Variants in MTRR observed in about 807,000 individuals in gnomAD.
MTRR encodes the protein 5-methyltetrahydrofolate-homocysteine methyltransferase reductase, also known as methionine synthase reductase.
A neutral mutation model predicts 79.2 loss-of-function variants in MTRR; 63 were observed. The ratio of observed to expected loss-of-function variants is 0.80; its 90% CI spans 0.65 to 0.98. The LOEUF is 0.98. Ranked by LOEUF, MTRR falls within the 50% of genes least tolerant of loss-of-function variation. MTRR has a pLI of 0.00. For missense variants in MTRR, 895 were observed against 839.6 expected, an observed-to-expected ratio of 1.07 and a Z score of -0.82; for synonymous variants, 355 against 313.3, an observed-to-expected ratio of 1.13 and a Z score of -1.41.
rs780729020 is a variant in MTRR, at chr5:7,861,181, G to A, written n.392-770G>A. 6 of 1,611,790 alleles carry A rather than the reference G, an allele frequency of 3.7e-6. No individual in the cohort carries two copies. The Admixed American group carries it at 8.3e-5, about 22-fold the overall frequency. ...ACTTGATAACCGAGTAACTGTAGGT[G>A]TCTTTGTTTAATAGCTTCTTTCCCC... On this transcript the variant is annotated intron_variant and non_coding_transcript_variant, in intron 1 of 3. Transcript: ENST00000502509.
intron 3 of MTRR, among the ~76,000 whole-genome samples, chr5:7,874,552 G>GTT (rs763938755): frequency 3.6e-5 from 5 of 138,328 alleles, no homozygotes; most frequent in African/African-American, 7.9e-5. Flanking sequence ...TGTAGAGAAA[G>GTT]AACATGGAGA....
chr5:7,870,129 G>C, intron 1 of MTRR: 1 of 967,386 alleles, frequency 1.0e-6, no homozygotes, highest in African/African-American at 1.8e-5. Context: ...AAGTGGATTG[G>C]AAATATTTTT....
chr5:7,887,246 T>C (rs745969326), intron 8 of MTRR, among the ~76,000 whole-genome samples: 24 of 150,814 alleles, frequency 1.6e-4, no homozygotes, highest in Non-Finnish European at 2.8e-4. Context: ...TCAATTATTA[T>C]GTGAACTTGG....
intron 7 of MTRR, 100 bp from the exon 8 acceptor site, chr5:7,886,515 G>A (rs945512388): frequency 9.7e-6 from 9 of 928,144 alleles, no homozygotes; most frequent in African/African-American, 6.5e-5. Flanking sequence ...ACTTTGATGC[G>A]CTGTAAAGTA....
intron 11 of MTRR, 113 bp downstream of exon 11, chr5:7,893,026 C>G (rs1737894506): frequency 7.9e-7 from 1 of 1,264,672 alleles, no homozygotes; most frequent in African/African-American, 1.5e-5. Context: ...AAAATTTATG[C>G]TGTTCTTGAA....
intron 14 of MTRR, 64 bp downstream of exon 14, chr5:7,897,311 A>C: frequency 6.5e-7 from 1 of 1,546,870 alleles, no homozygotes; most frequent in Non-Finnish European, 8.9e-7. Context: ...TAGAAGAAAA[A>C]AAGGACCGAG....
rs1738673281 is a variant in MTRR, at chr5:7,897,166, A to G, written c.1871A>G (p.Tyr624Cys). The change falls in exon 14 of 15, where the codon TAT becomes TGT. Residue 624 changes from tyrosine (Y) to cysteine (C), a missense_variant. Coordinates refer to ENST00000440940, the MANE Select transcript of MTRR (RefSeq NM_002454.3). ...GGGGAGGAGGAAGCCCCAGCAAAGT[A>G]TGTGCAAGACAACATCCAGCTTCAT... ...PVGEEEAPAK[Y>C]VQDNIQLHGQ... 7.4e-6 allele frequency: 12 copies of G among 1,614,054 alleles called. No individual in the cohort carries two copies. Among genetic ancestry groups the G allele is most frequent in the Admixed American group, 1.7e-5 (1 of 60,006 alleles).
chr5:7,871,983 T>C (rs1394826787), intron 2 of MTRR, among the ~76,000 whole-genome samples: 1 of 147,430 alleles, frequency 6.8e-6, no homozygotes, highest in Non-Finnish European at 1.5e-5. Context: ...AGCAGGTGTT[T>C]TGGCAGTCAG....
rs143443590 is a variant in MTRR at position 7,897,314 on chromosome 5, G to A, written c.1952+67G>A. The A allele has an allele frequency of 9.3e-6, 14 of 1,506,860 alleles. 1 individual carries two copies. The African/African-American group carries it at 1.4e-4, about 15-fold the overall frequency. The allele number at this position is 1,506,860 out of a possible 1,614,324, so 93.3% of individuals were successfully genotyped here. On this transcript the variant is annotated intron_variant, in intron 14 of 14. Coordinates refer to ENST00000440940, the MANE Select transcript of MTRR (RefSeq NM_002454.3). ...CAGTGATGTCTGTAGAAGAAAAAAA[G>A]GACCGAGAAGCCAATAATCTAGATA...
At position 7,885,957 on chromosome 5, in the gene MTRR, A is replaced by G. The variant is rs1736358518; in HGVS notation, c.1057+103A>G. The stretch of plus-strand genomic sequence containing the variant: ...GTTCAGGGTCCTGTGTGTTGGCCGC[A>G]CAGATGCCTGGGGCTCAGCTGCGCA... On this transcript the variant is annotated intron_variant, in intron 7 of 14. Transcript: ENST00000440940. 11 of 1,479,822 alleles carry G rather than the reference A, an allele frequency of 7.4e-6. No homozygotes were observed. The South Asian group carries it at 1.1e-4, about 15-fold the overall frequency. The allele number at this position is 1,479,822 out of a possible 1,614,324, so 91.7% of individuals were successfully genotyped here.
At chr5:7,872,800 A>T (rs1313704624) in intron 2 of MTRR, among the ~76,000 whole-genome samples, 1 of 151,858 alleles carries the variant, frequency 6.6e-6, no homozygotes, top group Non-Finnish European at 1.5e-5. Flanking sequence ...TTTATTTCTG[A>T]GTCTCCCCAT....
upstream of MTRR, chr5:7,867,014 T>C (rs371168588): frequency 2.5e-6 from 4 of 1,614,212 alleles, no homozygotes; most frequent in African/African-American, 1.3e-5. Flanking sequence ...AGCTACACGA[T>C]GCTCTAGGGC....
chr5:7,866,531 C>T (rs535000195), upstream of MTRR: 15 of 770,652 alleles, frequency 1.9e-5, no homozygotes, highest in African/African-American at 5.2e-5. Flanking sequence ...GTCTCATCTT[C>T]GGATCACTAT....
chr5:7,884,814 T>G (rs1464468861), intron 6 of MTRR, among the ~76,000 whole-genome samples: 2 of 152,248 alleles, frequency 1.3e-5, no homozygotes, highest in African/African-American at 4.8e-5. Context: ...AAGTGGGTTA[T>G]TCTTTCAGAA....
In MTRR at chr5:7,891,427, A is replaced by G. The variant is rs1261448973; in HGVS notation, c.1370+13A>G. On this transcript the variant is annotated intron_variant, in intron 10 of 14. Transcript: ENST00000440940. ...ATTCGTGTGCAAGGTACTACTATTT[A>G]TTCACGTAATATATAGCATTGTTTC... The G allele has an allele frequency of 6.3e-7, 1 of 1,598,554 alleles. No individual in the cohort carries two copies. Among genetic ancestry groups the G allele is most frequent in the Non-Finnish European group, 8.6e-7 (1 of 1,167,380 alleles).
chr5:7,866,733 G>C, upstream of MTRR: 1 of 1,613,878 alleles, frequency 6.2e-7, no homozygotes. Context: ...GAATGAAGAA[G>C]TTTCAATAAT....
At chr5:7,867,193 G>A (rs748254312), upstream of MTRR, 12 of 1,614,020 alleles carry the variant, frequency 7.4e-6, no homozygotes, top group Non-Finnish European at 9.3e-6. Context: ...TGAGCATTTG[G>A]CTAATCAATT....
chr5:7,865,231 T>C (rs1030123647), upstream of MTRR, among the ~76,000 whole-genome samples: 1 of 152,172 alleles, frequency 6.6e-6, no homozygotes, highest in Non-Finnish European at 1.5e-5. Flanking sequence ...TTAACTATTA[T>C]TTATCTTTAT....
intron 9 of MTRR, chr5:7,890,204 C>T (rs1345063197): frequency 1.1e-6 from 1 of 946,966 alleles, no homozygotes; most frequent in Non-Finnish European, 1.3e-6. Flanking sequence ...ATGCCCAGTA[C>T]AATTAAAGGC....
Sources: allele counts gnomAD v4.1 joint callset (sites outside exome capture counted in the v4.1 genomes callset), GRCh38; gene constraint gnomAD v4.1.1; transcripts MANE v1.5; gene names NCBI Gene and HGNC (gene_info 2026-07-23, HGNC 2026-07-21).